Variants in DIAPH1 observed in about 807,000 individuals in gnomAD.
DIAPH1 encodes the protein diaphanous related formin 1, also known as protein diaphanous homolog 1.
Under a neutral mutation model 140.7 loss-of-function variants are expected in DIAPH1, and 46 were observed. The observed-to-expected ratio is 0.33, with a 90% confidence interval of 0.26 to 0.42. The LOEUF is 0.42. Among genes scored for constraint, DIAPH1 ranks in the 10% least tolerant of loss-of-function variants. DIAPH1 has a pLI of 1.00. For missense variants in DIAPH1, 1,310 were observed against 1,558.7 expected (o/e 0.84, Z 2.69); for synonymous variants, 565 against 551.6 (o/e 1.02, Z -0.34).
intron 1 of DIAPH1, among the ~76,000 whole-genome samples, chr5:141,592,358 G>C (rs1395894404): frequency 6.6e-6 from 1 of 152,132 alleles, no homozygotes; most frequent in East Asian, 1.9e-4. Context: ...TGTTTACTTA[G>C]TTAATACTAT....
chr5:141,539,534 T>G (rs1439087437), intron 18 of DIAPH1, among the ~76,000 whole-genome samples: 1 of 151,362 alleles, frequency 6.6e-6, no homozygotes. Flanking sequence ...CCTCCCAAAG[T>G]GCTGGGATTA....
chr5:141,591,927 C>T (rs1176809100), intron 1 of DIAPH1, among the ~76,000 whole-genome samples: 1 of 149,588 alleles, frequency 6.7e-6, no homozygotes, highest in Non-Finnish European at 1.5e-5. Context: ...ACTAAAAATA[C>T]AAAAATTAGA....
chr5:141,618,351 A>T (rs1034449232), intron 1 of DIAPH1: 1 of 153,756 alleles, frequency 6.5e-6, no homozygotes, highest in Non-Finnish European at 1.5e-5. Flanking sequence ...AGGATGAATC[A>T]TGGAGAAGGA....
At chr5:141,519,658 T>C (rs2099886216) in intron 27 of DIAPH1, among the ~76,000 whole-genome samples, 1 of 152,154 alleles carries the variant, frequency 6.6e-6, no homozygotes. Context: ...AGAGAGTAGG[T>C]AGGGAGAAGA....
rs1337053378 is a variant in DIAPH1, at chr5:141,575,019, A to C, written c.1589T>G (p.Ile530Ser). The part of the protein sequence containing the change: ...KDALHSEKQQ[I>S]ATEKQDLEAE... Reference sequence around the variant, plus strand: ...TTCCAGGTCCTGTTTCTCTGTGGCAATTTGCTGCTTTTCAGAATGCAGTGC... The same window carrying C: ...TTCCAGGTCCTGTTTCTCTGTGGCACTTTGCTGCTTTTCAGAATGCAGTGC... The change falls in exon 15 of 28, where the codon ATT (isoleucine) becomes AGT (serine). Residue 530 changes from isoleucine (I) to serine (S), a missense_variant. Around this residue, in one of 3 missense-constraint regions of DIAPH1, gnomAD observed 589 missense variants for 549.3 expected, o/e 1.07. Transcript: ENST00000389054. 3.4e-5 allele frequency: 55 copies of C among 1,614,006 alleles called. No homozygotes were observed. In the East Asian group the frequency reaches 1.2e-3, roughly 36 times the overall value.
chr5:141,615,866 T>A (rs989979212), intron 1 of DIAPH1, among the ~76,000 whole-genome samples: 2 of 152,224 alleles, frequency 1.3e-5, no homozygotes, highest in Admixed American at 6.5e-5. Context: ...AATGTAAGAA[T>A]ACTCTGCAGC....
intron 18 of DIAPH1, among the ~76,000 whole-genome samples, chr5:141,555,429 A>T (rs933335232): frequency 6.6e-6 from 1 of 152,144 alleles, no homozygotes; most frequent in African/African-American, 2.4e-5. Flanking sequence ...CAAATGTAGA[A>T]CCCATAGAAT....
At position 141,565,470 on chromosome 5, in the gene DIAPH1, ATT is replaced by A. The variant is rs2099894226; in HGVS notation, c.2482+5956_2482+5957del. Among the ~76,000 whole-genome samples the A allele has an allele frequency of 6.6e-6, 1 of 152,236 alleles. No individual in the cohort carries two copies. The highest frequency in any genetic ancestry group is 2.4e-5 in the African/African-American group (1 of 41,470). ...CCTGTATTTCCAGTGTATTCTACAT[ATT>A]TGTTAAAATGATGATAACAAATTAG... On this transcript the variant is annotated intron_variant, in intron 18 of 27. Coordinates refer to ENST00000389054, the MANE Select transcript of DIAPH1 (RefSeq NM_005219.5). The surrounding 1 kb of genome is among the most constrained non-coding windows in gnomAD (Gnocchi z 4.3).
At chr5:141,603,176 A>G (rs968823719) in intron 1 of DIAPH1, among the ~76,000 whole-genome samples, 32 of 152,356 alleles carry the variant, frequency 2.1e-4, no homozygotes, top group Admixed American at 1.6e-3. Context: ...ACCACTGAGG[A>G]AAAAGTGCTG....
intron 1 of DIAPH1, 35 bp from the exon 2 acceptor site, chr5:141,588,285 G>T: frequency 6.6e-7 from 1 of 1,523,952 alleles, no homozygotes; most frequent in Non-Finnish European, 9.1e-7. Flanking sequence ...GAAGAAAGAA[G>T]AGAAATCAGT....
In DIAPH1 at chr5:141,528,739, G is replaced by A; in HGVS notation, c.2981C>T (p.Ala994Val). The change falls in exon 22 of 28, where the codon GCT becomes GTT. Residue 994 changes from alanine to valine, a missense_variant. Physicochemically the swap from Ala to Val is moderately conservative, Grantham distance 64 (BLOSUM62 0). Around this residue, in one of 3 missense-constraint regions of DIAPH1, gnomAD observed 344 missense variants for 512.2 expected, o/e 0.67. Coordinates refer to ENST00000389054, the MANE Select transcript of DIAPH1 (RefSeq NM_005219.5). ...GCTGATATTGAAGCCAAAAGCACCAGCATTTCTGGAGCCAGCATTCATGTA... is the reference window on the plus strand; with the variant it reads ...GCTGATATTGAAGCCAAAAGCACCAACATTTCTGGAGCCAGCATTCATGTA... ...GNYMNAGSRN[A>V]GAFGFNISFL... is the part of the protein sequence containing the mutation. The A allele has an allele frequency of 6.2e-7, 1 of 1,614,218 alleles. No homozygotes were observed. The highest frequency in any genetic ancestry group is 8.5e-7 in the Non-Finnish European group (1 of 1,180,044).
chr5:141,593,437 TCC>T (rs2099898799), intron 1 of DIAPH1, among the ~76,000 whole-genome samples: 1 of 152,094 alleles, frequency 6.6e-6, no homozygotes. Context: ...TCAGCACTTT[TCC>T]CCCTCTAGTC....
intron 1 of DIAPH1, among the ~76,000 whole-genome samples, chr5:141,603,498 A>AGG (rs1230675793): frequency 6.6e-5 from 10 of 152,364 alleles, no homozygotes; most frequent in African/African-American, 2.4e-4. Context: ...TTCCAAAATC[A>AGG]GCATCTTTTT....
chr5:141,611,804 C>A (rs558586762), intron 1 of DIAPH1, among the ~76,000 whole-genome samples: 2 of 152,186 alleles, frequency 1.3e-5, no homozygotes, highest in Non-Finnish European at 2.9e-5. Flanking sequence ...CAGTGGCTCA[C>A]GCCTGTAATC....
intron 27 of DIAPH1, 74 bp downstream of exon 27, chr5:141,524,069 T>C: frequency 2.3e-6 from 3 of 1,282,926 alleles, no homozygotes; most frequent in South Asian, 2.4e-5. Flanking sequence ...ATTTGCTCTT[T>C]AGCCGCAGAC....
At chr5:141,617,493 A>G (rs2099902876) in intron 1 of DIAPH1, among the ~76,000 whole-genome samples, 1 of 152,024 alleles carries the variant, frequency 6.6e-6, no homozygotes, top group South Asian at 2.1e-4. Flanking sequence ...ATAAAACAAC[A>G]TTTTCTTCCT....
chr5:141,538,384 G>A (rs1414800575), intron 18 of DIAPH1, among the ~76,000 whole-genome samples: 1 of 149,028 alleles, frequency 6.7e-6, no homozygotes, highest in Non-Finnish European at 1.5e-5. Context: ...ACGGAGTCTC[G>A]CTCTGTCTCC....
At position 141,562,627 on chromosome 5, in the gene DIAPH1, A is replaced by AC. The variant is rs938356568; in HGVS notation, c.2482+8800_2482+8801insG. Among the ~76,000 whole-genome samples, 54 of 151,700 alleles carry AC rather than the reference A, an allele frequency of 3.6e-4. No individual in the cohort carries two copies. The South Asian group carries it at 4.8e-3, about 13-fold the overall frequency. ...TATGCAAAAAAAAAAAAACAAACAA[A>AC]AAAAAACAGATAACAGAGAAGCTGA... On this transcript the variant is annotated intron_variant, in intron 18 of 27. Transcript: ENST00000389054.
chr5:141,529,192 A>G lies in DIAPH1; in HGVS notation c.2758T>C (p.Ser920Pro), dbSNP rs746418816. The G allele has an allele frequency of 2.6e-5, 42 of 1,614,040 alleles. No homozygotes were observed. Among genetic ancestry groups the G allele is most frequent in the Non-Finnish European group, 3.2e-5 (38 of 1,180,030 alleles). Residue 920 changes from serine to proline, a missense_variant, in exon 21 of 28, where the codon TCA becomes CCA. By Grantham distance (74) the Ser-to-Pro change is moderately conservative (BLOSUM62 -1). This residue lies in a region of DIAPH1 where 344 missense variants were observed against 512.2 expected (regional missense o/e 0.67). Transcript: ENST00000389054. ...LKDEYDDLAE[S>P]EQFGVVMGTV... The stretch of plus-strand genomic sequence containing the variant: ...CTCACCACCACGCCAAACTGCTCTG[A>G]CTCAGCCAGGTCATCATATTCATCC...
Sources: allele counts gnomAD v4.1 joint callset (sites outside exome capture counted in the v4.1 genomes callset), GRCh38; gene constraint gnomAD v4.1.1; regional missense constraint gnomAD v4.1.1; non-coding constraint Gnocchi (gnomAD v3.1); transcripts MANE v1.5; gene names NCBI Gene and HGNC (gene_info 2026-07-23, HGNC 2026-07-21).